Variants in LGSN observed in about 807,000 individuals in gnomAD.
LGSN encodes the protein lengsin.
In LGSN, 21 loss-of-function variants were observed where a neutral mutation model predicts 19.5. That is an observed-to-expected ratio of 1.07 (90% CI 0.76 to 1.55). LGSN has a LOEUF of 1.55. Ranked by LOEUF, LGSN falls within the 40% of genes most tolerant of loss-of-function variation. The pLI, the probability that LGSN is intolerant of heterozygous loss-of-function variation, is 0.00. For synonymous variants in LGSN, 257 were observed against 215.6 expected (o/e 1.19, Z -1.68); for missense variants, 673 against 608.5 (o/e 1.11, Z -1.12).
the LGSN span, among the ~76,000 whole-genome samples, chr6:63,449,784 CA>C: frequency 1.3e-5 from 2 of 151,984 alleles, no homozygotes; most frequent in Non-Finnish European, 2.9e-5. Flanking sequence ...TAAGAAACAA[CA>C]GAAACAAAAC....
intron 1 of LGSN, among the ~76,000 whole-genome samples, chr6:63,314,450 T>C (rs116270575): frequency 0.036 from 5,474 of 152,158 alleles, 330 homozygotes; most frequent in African/African-American, 0.13. Flanking sequence ...TTTGTTATAT[T>C]AGCCCAAACT....
the LGSN span, among the ~76,000 whole-genome samples, chr6:63,510,964 C>T: frequency 2.0e-5 from 3 of 152,082 alleles, no homozygotes; most frequent in East Asian, 3.9e-4. Context: ...CATGAGCCAC[C>T]GCTCCCGGTC....
At chr6:63,428,477 G>A in the LGSN span, among the ~76,000 whole-genome samples, 2 of 151,934 alleles carry the variant, frequency 1.3e-5, no homozygotes, top group Non-Finnish European at 2.9e-5. Context: ...TCAGCCTCCC[G>A]AGTAGCTGGG....
At chr6:63,561,266 AT>A in the LGSN span, among the ~76,000 whole-genome samples, 1 of 152,206 alleles carries the variant, frequency 6.6e-6, no homozygotes, top group Non-Finnish European at 1.5e-5. Flanking sequence ...GCATGTCCTG[AT>A]TTTTATAATG....
chr6:63,291,194 A>G (rs377046691), intron 2 of LGSN, among the ~76,000 whole-genome samples: 1 of 152,192 alleles, frequency 6.6e-6, no homozygotes, highest in Non-Finnish European at 1.5e-5. Context: ...TTGCGGCCCT[A>G]CAGCAGTGTT....
the LGSN span, among the ~76,000 whole-genome samples, chr6:63,537,493 C>T: frequency 1.4e-3 from 216 of 152,296 alleles, 1 homozygote; most frequent in African/African-American, 4.5e-3. Context: ...TGGTTCTCAA[C>T]GCTCCCAGTA....
rs1767173646 is a variant in LGSN, at chr6:63,278,691, A to G, written c.*1330T>C. The G allele has an allele frequency of 6.6e-6, 1 of 151,772 alleles. No homozygotes were observed. The highest frequency in any genetic ancestry group is 2.4e-5 in the African/African-American group (1 of 41,212). The allele number at this position is 151,772 out of a possible 1,614,324, so 9.4% of individuals were successfully genotyped here. A position where few individuals can be genotyped will look rare whatever the true frequency, so the allele number is the denominator to read the frequency against. ...GGACTCAAACTCCTGGCCTCAAGCA[A>G]TCCTCCTGCCTTGGCCTCCCAAAGT... On this transcript the variant is annotated 3_prime_UTR_variant, in exon 4 of 4. Coordinates refer to ENST00000370657, the MANE Select transcript of LGSN (RefSeq NM_016571.3).
the LGSN span, among the ~76,000 whole-genome samples, chr6:63,327,610 T>G: frequency 1.3e-4 from 20 of 152,170 alleles, no homozygotes; most frequent in African/African-American, 4.8e-4. Flanking sequence ...TTTCATTATT[T>G]CTTGCAAACT....
chr6:63,352,534 G>C, the LGSN span, among the ~76,000 whole-genome samples: 1 of 151,928 alleles, frequency 6.6e-6, no homozygotes, highest in Non-Finnish European at 1.5e-5. Context: ...GGTGGTACAT[G>C]CCTGTGGTCC....
chr6:63,387,179 G>A, the LGSN span, among the ~76,000 whole-genome samples: 10 of 152,116 alleles, frequency 6.6e-5, no homozygotes, highest in Admixed American at 2.0e-4. Flanking sequence ...TCAGACCTTC[G>A]AACCAAAGAT....
the LGSN span, among the ~76,000 whole-genome samples, chr6:63,412,442 G>T: frequency 8.0e-6 from 1 of 124,394 alleles, no homozygotes; most frequent in Non-Finnish European, 1.6e-5. Flanking sequence ...AAGAAAGAAA[G>T]CAAGAAAGAA....
the LGSN span, among the ~76,000 whole-genome samples, chr6:63,470,594 T>C: frequency 1.3e-5 from 2 of 152,128 alleles, no homozygotes; most frequent in East Asian, 1.9e-4. Context: ...TCTAGAGGCA[T>C]GTGACTCTTC....
chr6:63,438,836 T>C, the LGSN span, among the ~76,000 whole-genome samples: 25 of 152,286 alleles, frequency 1.6e-4, no homozygotes, highest in Non-Finnish European at 3.1e-4. Context: ...CCATTTGACC[T>C]AGCCATCCCA....
At chr6:63,418,541 C>T in the LGSN span, among the ~76,000 whole-genome samples, 44 of 152,086 alleles carry the variant, frequency 2.9e-4, no homozygotes, top group Admixed American at 2.9e-3. Flanking sequence ...AGCCTGGCGA[C>T]AGAGCGAGAC....
the LGSN span, among the ~76,000 whole-genome samples, chr6:63,538,807 A>G: frequency 0.04 from 6,055 of 152,298 alleles, 422 homozygotes; most frequent in African/African-American, 0.14. Flanking sequence ...GTCCAAGCCA[A>G]TTTTGCATTT....
chr6:63,412,483 G>GA, the LGSN span, among the ~76,000 whole-genome samples: 1 of 52,866 alleles, frequency 1.9e-5, no homozygotes, highest in South Asian at 6.9e-4. Flanking sequence ...AGAAGAAAGA[G>GA]AAGAAAGAAA....
chr6:63,432,141 GAAA>G, the LGSN span, among the ~76,000 whole-genome samples: 21 of 107,478 alleles, frequency 2.0e-4, no homozygotes, highest in Admixed American at 1.4e-3. Flanking sequence ...AAGAAAGAAA[GAAA>G]GAAAGAAAGA....
chr6:63,571,059 T>A, the LGSN span: 1 of 152,220 alleles, frequency 6.6e-6, no homozygotes, highest in South Asian at 2.1e-4. Flanking sequence ...AGTGTGCTAG[T>A]TTTCCTTGAT....
the LGSN span, among the ~76,000 whole-genome samples, chr6:63,436,680 G>A: frequency 6.6e-6 from 1 of 152,144 alleles, no homozygotes; most frequent in Non-Finnish European, 1.5e-5. Flanking sequence ...AATTGTCCCA[G>A]ATTAAGAACA....
Sources: allele counts gnomAD v4.1 joint callset (sites outside exome capture counted in the v4.1 genomes callset), GRCh38; gene constraint gnomAD v4.1.1; transcripts MANE v1.5; gene names NCBI Gene and HGNC (gene_info 2026-07-23, HGNC 2026-07-21).